Variants in COL4A4 observed in about 807,000 individuals in gnomAD.
COL4A4 encodes collagen type IV alpha 4 chain.
In COL4A4, 105 loss-of-function variants were observed where a neutral mutation model predicts 192.9. That is an observed-to-expected ratio of 0.54 (90% confidence interval 0.46 to 0.64). The LOEUF (loss-of-function observed/expected upper bound fraction) is 0.64. Ranked by LOEUF, COL4A4 falls within the 30% of genes least tolerant of loss-of-function variation. COL4A4 has a pLI of 0.00. For synonymous variants in COL4A4, 762 were observed against 769.9 expected (o/e 0.99, Z 0.17); for missense variants, 1,967 against 2,169.3 (o/e 0.91, Z 1.85).
intron 25 of COL4A4, among the ~76,000 whole-genome samples, chr2:227,071,639 A>G (rs1019280138): frequency 1.3e-5 from 2 of 152,190 alleles, no homozygotes; most frequent in African/African-American, 2.4e-5. Flanking sequence ...GATAGACCAT[A>G]TGACAGGCCA....
Position 227,002,964 on chromosome 2 carries a change from T to C in COL4A4, c.*4361A>G, listed in dbSNP as rs1007304153. The stretch of plus-strand genomic sequence containing the variant: ...TTCACATGGATGTGGCAGCCAGCCT[T>C]GGTGGTTTAAAATGCATTATGCAGA... On this transcript the variant is annotated 3_prime_UTR_variant, in exon 48 of 48. Coordinates refer to ENST00000396625, the MANE Select transcript of COL4A4 (RefSeq NM_000092.5). 3.3e-5 allele frequency: 5 copies of C among 152,656 alleles called. No individual in the cohort carries two copies. The highest frequency in any genetic ancestry group is 1.2e-4 in the African/African-American group (5 of 41,458). 9.5% of individuals were successfully genotyped at this position (152,656 alleles called of 1,614,324 possible). A position where few individuals can be genotyped will look rare whatever the true frequency, so the allele number is the denominator to read the frequency against.
chr2:227,060,349 C>A, intron 26 of COL4A4, 106 bp from the exon 27 acceptor site: 2 of 789,654 alleles, frequency 2.5e-6, no homozygotes, highest in Non-Finnish European at 4.2e-6. Flanking sequence ...TAGAATATTT[C>A]TACTTTATGG....
intron 37 of COL4A4, among the ~76,000 whole-genome samples, chr2:227,035,553 G>C (rs1014902735): frequency 6.7e-6 from 1 of 150,346 alleles, no homozygotes; most frequent in Non-Finnish European, 1.5e-5. Flanking sequence ...AAATGGGAAT[G>C]CATCTTTATT....
At chr2:227,153,689 A>G (rs2064120929) in intron 1 of COL4A4, among the ~76,000 whole-genome samples, 1 of 152,200 alleles carries the variant, frequency 6.6e-6, no homozygotes, top group African/African-American at 2.4e-5. Flanking sequence ...AAAATGCATC[A>G]GGAGATACCC....
At position 227,008,100 on chromosome 2, in the gene COL4A4, A is replaced by G. The variant is rs936251750; in HGVS notation, c.4727T>C (p.Val1576Ala). 1.2e-6 allele frequency: 2 copies of G among 1,614,074 alleles called. No individual in the cohort carries two copies. The highest frequency in any genetic ancestry group is 1.7e-6 in the Non-Finnish European group (2 of 1,180,008). ...CAVCEAPAQA[V>A]AVHSQDQSIP... ...GGACTGGTCCTGGCTGTGCACCGCC[A>G]CCGCCTGGGCCGGGGCCTCGCATAC... The change falls in exon 47 of 48, where the codon GTG (valine) becomes GCG (alanine). Residue 1576 changes from valine to alanine, a missense_variant. By Grantham distance (64) the Val-to-Ala change is moderately conservative. Coordinates refer to ENST00000396625, the MANE Select transcript of COL4A4 (RefSeq NM_000092.5).
chr2:227,012,148 T>C (rs371090535), intron 45 of COL4A4, 33 bp downstream of exon 45: 4 of 1,492,460 alleles, frequency 2.7e-6, no homozygotes, highest in Non-Finnish European at 3.7e-6. Context: ...AGGTTTACAG[T>C]GTCAGAGAAA....
intron 4 of COL4A4, among the ~76,000 whole-genome samples, chr2:227,124,706 C>T (rs2125081373): frequency 6.6e-6 from 1 of 152,308 alleles, no homozygotes; most frequent in South Asian, 2.1e-4. Context: ...GGTGACTGCA[C>T]AAATTCTAAA....
intron 1 of COL4A4, among the ~76,000 whole-genome samples, chr2:227,149,351 C>T (rs2063761293): frequency 6.6e-6 from 1 of 152,142 alleles, no homozygotes; most frequent in African/African-American, 2.4e-5. Flanking sequence ...GTTATAAACT[C>T]AGGGGTGCCT....
intron 25 of COL4A4, among the ~76,000 whole-genome samples, chr2:227,075,906 A>T (rs995707452): frequency 6.6e-6 from 1 of 152,188 alleles, no homozygotes; most frequent in Non-Finnish European, 1.5e-5. Context: ...AGAGAAAAAA[A>T]TACCTAGGAA....
chr2:227,162,208 G>A (rs1233391248), intron 1 of COL4A4, among the ~76,000 whole-genome samples: 1 of 152,172 alleles, frequency 6.6e-6, no homozygotes, highest in African/African-American at 2.4e-5. Flanking sequence ...TTCCAGCTCT[G>A]TATCTGCAAC....
chr2:226,997,988 G>C (rs1345823088), downstream of COL4A4: 1 of 152,222 alleles, frequency 6.6e-6, no homozygotes, highest in Non-Finnish European at 1.5e-5. Flanking sequence ...AAGCAAGTGA[G>C]CAAGTGTATT....
At chr2:227,057,085 T>A (rs1294326496) in intron 29 of COL4A4, among the ~76,000 whole-genome samples, 1 of 152,170 alleles carries the variant, frequency 6.6e-6, no homozygotes, top group Non-Finnish European at 1.5e-5. Context: ...CCTGGGAAAC[T>A]TCTCAAGCTT....
chr2:227,028,452 A>T (rs946147968), intron 41 of COL4A4, among the ~76,000 whole-genome samples: 2 of 152,090 alleles, frequency 1.3e-5, no homozygotes, highest in African/African-American at 4.8e-5. Flanking sequence ...TTCCACATCC[A>T]TGATGTCTTC....
chr2:227,116,326 T>C (rs984360032), intron 7 of COL4A4, among the ~76,000 whole-genome samples: 5 of 152,180 alleles, frequency 3.3e-5, no homozygotes, highest in Admixed American at 2.0e-4. Context: ...TTTCAAACTT[T>C]AAGATCAGAA....
At chr2:227,111,142 A>G (rs1478947555) in intron 9 of COL4A4, among the ~76,000 whole-genome samples, 1 of 152,228 alleles carries the variant, frequency 6.6e-6, no homozygotes. Flanking sequence ...ATTATGCACT[A>G]TGAATACTCA....
chr2:227,062,476 T>G, intron 26 of COL4A4, 54 bp downstream of exon 26: 1 of 1,076,960 alleles, frequency 9.3e-7, no homozygotes, highest in Non-Finnish European at 1.4e-6. Context: ...CTGGCTGGTT[T>G]TTTTTTTTTT....
the COL4A4 span, among the ~76,000 whole-genome samples, chr2:226,972,366 AG>A: frequency 2.0e-5 from 3 of 152,222 alleles, no homozygotes; most frequent in East Asian, 5.8e-4. Flanking sequence ...AGAAACACAA[AG>A]GTGCTAAATG....
intron 44 of COL4A4, among the ~76,000 whole-genome samples, chr2:227,020,808 A>G (rs368109361): frequency 1.6e-3 from 241 of 152,098 alleles, no homozygotes; most frequent in South Asian, 1.5e-3. Context: ...GGGCTCCCTA[A>G]TATCTTTGTA....
chr2:227,033,465 A>C lies in COL4A4; in HGVS notation c.3522T>G (p.Pro1174=), dbSNP rs775477147. The change falls in exon 38 of 48, where the codon CCT becomes CCG. Residue 1174 remains proline, a synonymous_variant. Transcript: ENST00000396625. ...TCAATCCATGCAAGCCGTTCAGGCC[A>C]GGTGATCCGGAGGGACCTGAAAAAC... is the stretch of plus-strand genomic sequence containing the variant. The part of the protein sequence containing the change: ...PPGIKGPSGS[P]GLNGLHGLKG... 2 of 1,613,528 alleles carry C rather than the reference A, an allele frequency of 1.2e-6. No homozygotes were observed. The highest frequency in any genetic ancestry group is 2.2e-5 in the South Asian group (2 of 91,068).
Sources: gnomAD v4.1 joint callset for allele counts (sites outside exome capture counted in the v4.1 genomes callset) on GRCh38, gnomAD v4.1.1 for gene constraint, MANE v1.5 for transcripts, NCBI Gene and HGNC (gene_info 2026-07-23, HGNC 2026-07-21) for gene names.